Variants in LILRB4 observed in about 807,000 individuals in gnomAD.
The protein encoded by LILRB4 is leukocyte immunoglobulin like receptor B4.
A neutral mutation model predicts 55.2 loss-of-function variants in LILRB4; 49 were observed. That is an observed-to-expected ratio of 0.89 (90% CI 0.71 to 1.13). LILRB4 has a LOEUF of 1.13. Among genes scored for constraint, LILRB4 ranks in the 50% most tolerant of loss-of-function variants. The pLI is 0.00. For missense variants in LILRB4, 590 were observed against 555.2 expected (o/e 1.06, Z -0.63); for synonymous variants, 229 against 213.8 (o/e 1.07, Z -0.62).
At position 54,666,784 on chromosome 19, in the gene LILRB4, C is replaced by G. The variant is rs771914938; in HGVS notation, c.1041+35C>G. On this transcript the variant is annotated intron_variant, in intron 10 of 11. Coordinates refer to ENST00000430952, the Ensembl canonical transcript of LILRB4. This position sits in a 1 kb window ranked among gnomAD's most constrained non-coding sequence, Gnocchi z 4.8. ...CGCCCCTGTCCCCGGCACCAAAGGC[C>G]TCCTGGTGCCAGATCTAATCCTGCA... 6.3e-7 allele frequency: 1 copy of G among 1,592,510 alleles called. No individual in the cohort carries two copies. The highest frequency in any genetic ancestry group is 8.6e-7 in the Non-Finnish European group (1 of 1,160,596).
exon 3 of LILRB4, chr19:54,663,811 A>T: frequency 6.2e-7 from 1 of 1,614,064 alleles, no homozygotes; most frequent in Non-Finnish European, 8.5e-7. Flanking sequence ...AGCTGGGGGA[A>T]CTCTGTGACC....
In LILRB4 at chr19:54,665,783, T is replaced by A. The variant is rs1309376681; in HGVS notation, c.758-32T>A. 1 of 1,572,106 alleles carries A rather than the reference T, an allele frequency of 6.4e-7. No individual in the cohort carries two copies. The highest frequency in any genetic ancestry group is 1.2e-5 in the South Asian group (1 of 85,958). On this transcript the variant is annotated intron_variant, in intron 6 of 11. Coordinates refer to ENST00000430952, the Ensembl canonical transcript of LILRB4. The surrounding 1 kb of genome is among the most constrained non-coding windows in gnomAD (Gnocchi z 5.5). ...ACAGTAGGTGTGCACATCAATGACA[T>A]CATCCCCATTCCTGATGTCATCACG...
At chr19:54,667,392 CG>C (rs2065331794) in intron 10 of LILRB4, 12 of 771,586 alleles carry the variant, frequency 1.6e-5, no homozygotes, top group Non-Finnish European at 2.5e-5. Flanking sequence ...GCAAAGGCCC[CG>C]AGGCAGCAGC....
Position 54,665,242 on chromosome 19 carries a change from T to C in LILRB4, c.757+62T>C. 2.6e-6 allele frequency: 4 copies of C among 1,520,580 alleles called. No homozygotes were observed. The highest frequency in any genetic ancestry group is 2.6e-5 in the East Asian group (1 of 39,176). 94.2% of individuals were successfully genotyped at this position (1,520,580 alleles called of 1,614,324 possible). On this transcript the variant is annotated intron_variant, in intron 6 of 11. Transcript: ENST00000430952. The surrounding 1 kb of genome is among the most constrained non-coding windows in gnomAD (Gnocchi z 5.5). Reference sequence around the variant, plus strand: ...CTAGGGGAGCCAAGGGTGGGTTCTGTCCTAGGTTAAGGCTCCTCTGGAGGT... The same window carrying C: ...CTAGGGGAGCCAAGGGTGGGTTCTGCCCTAGGTTAAGGCTCCTCTGGAGGT...
chr19:54,666,533 G>T lies in LILRB4; in HGVS notation c.988+97G>T. ...AGGAGCACAGGCTAGGATTGGTCAG[G>T]GACTCAGGGAGAAGTGGTCTGAACC... On this transcript the variant is annotated intron_variant, in intron 9 of 11. Coordinates refer to ENST00000430952, the Ensembl canonical transcript of LILRB4. The surrounding 1 kb of genome is among the most constrained non-coding windows in gnomAD (Gnocchi z 4.8). 1 of 1,506,866 alleles carries T rather than the reference G, an allele frequency of 6.6e-7. No individual in the cohort carries two copies. Among genetic ancestry groups the T allele is most frequent in the Admixed American group, 1.8e-5 (1 of 56,940 alleles). 93.3% of individuals were successfully genotyped at this position (1,506,866 alleles called of 1,614,324 possible). A position where few individuals can be genotyped will look rare whatever the true frequency, so the allele number is the denominator to read the frequency against.
chr19:54,664,402 G>A (rs1434963238), exon 4 of LILRB4: 1 of 1,612,646 alleles, frequency 6.2e-7, no homozygotes. Context: ...GTGCACGGGG[G>A]GACCTACAGG....
At position 54,666,055 on chromosome 19, in the gene LILRB4, C is replaced by A; in HGVS notation, c.874+124C>A. The A allele has an allele frequency of 7.2e-7, 1 of 1,384,282 alleles. No individual in the cohort carries two copies. The highest frequency in any genetic ancestry group is 9.9e-7 in the Non-Finnish European group (1 of 1,006,366). The allele number at this position is 1,384,282 out of a possible 1,614,324, so 85.7% of individuals were successfully genotyped here. The stretch of plus-strand genomic sequence containing the variant: ...CTCCAGAAATTCCCAGTGAGAAAAT[C>A]TAGAAAGAAGAAAATGAATGAGGGA... On this transcript the variant is annotated intron_variant, in intron 7 of 11. Transcript: ENST00000430952. The surrounding 1 kb of genome is among the most constrained non-coding windows in gnomAD (Gnocchi z 4.8).
rs147413282 is a variant in LILRB4, at chr19:54,667,597, A to G, written c.1042-41A>G. On this transcript the variant is annotated intron_variant, in intron 10 of 11. Coordinates refer to ENST00000430952, the Ensembl canonical transcript of LILRB4. ...GGAAAATTGACTCCAGGGAGTCAGGAGGATTCAAGGACACCCCCCACCACT... is the reference window on the plus strand; with the variant it reads ...GGAAAATTGACTCCAGGGAGTCAGGGGGATTCAAGGACACCCCCCACCACT... 3.7e-3 allele frequency: 6,000 copies of G among 1,606,416 alleles called. 182 individuals carry two copies. The African/African-American group carries it at 0.061, about 16-fold the overall frequency.
rs748566687 is a variant in LILRB4, at chr19:54,664,081, A to G, written c.355+43A>G. The G allele has an allele frequency of 4.4e-6, 7 of 1,606,562 alleles. No individual in the cohort carries two copies. In the South Asian group the frequency reaches 6.7e-5, roughly 15 times the overall value. ...GGTCCCAGCCCCAGGCTCTGCCCTC[A>G]GGAAGGGGGTCAGCTCTCAGGGGCA... On this transcript the variant is annotated intron_variant, in intron 3 of 11. Coordinates refer to ENST00000430952, the Ensembl canonical transcript of LILRB4.
At chr19:54,668,571 G>A (rs1464827533), downstream of LILRB4, 1 of 152,376 alleles carries the variant, frequency 6.6e-6, no homozygotes, top group African/African-American at 2.4e-5. Context: ...AGAAAATGTA[G>A]ATGAGATAGA....
chr19:54,667,568 G>A (rs1333425425), intron 10 of LILRB4, 67 bp from the exon 11 acceptor site: 3 of 1,599,744 alleles, frequency 1.9e-6, no homozygotes, highest in African/African-American at 2.7e-5. Context: ...CCTGGGAACA[G>A]TGGGGAAAAT....
intron 10 of LILRB4, 72 bp from the exon 11 acceptor site, chr19:54,667,563 G>A: frequency 6.3e-7 from 1 of 1,596,216 alleles, no homozygotes; most frequent in Non-Finnish European, 8.5e-7. Flanking sequence ...ATCACCCTGG[G>A]AACAGTGGGG....
rs950173911 is a variant in LILRB4 at position 54,667,064 on chromosome 19, T to A, written c.1041+315T>A. ...CCCTGGGCTCCCCTTCATTCATTCATCTAGTGAGTGTTCCCAGGGAGCTCA... is the reference window on the plus strand; with the variant it reads ...CCCTGGGCTCCCCTTCATTCATTCAACTAGTGAGTGTTCCCAGGGAGCTCA... On this transcript the variant is annotated intron_variant, in intron 10 of 11. Transcript: ENST00000430952. 5.5e-4 allele frequency: 350 copies of A among 638,036 alleles called. 1 individual carries two copies. Among genetic ancestry groups the A allele is most frequent in the African/African-American group, 1.2e-3 (66 of 55,966 alleles). 39.5% of individuals were successfully genotyped at this position (638,036 alleles called of 1,614,324 possible). A position where few individuals can be genotyped will look rare whatever the true frequency, so the allele number is the denominator to read the frequency against.
chr19:54,667,568 G>C, intron 10 of LILRB4, 67 bp from the exon 11 acceptor site: 1 of 1,599,862 alleles, frequency 6.3e-7, no homozygotes, highest in Non-Finnish European at 8.5e-7. Flanking sequence ...CCTGGGAACA[G>C]TGGGGAAAAT....
chr19:54,666,279 C>T lies in LILRB4; in HGVS notation c.914C>T (p.Ala305Val), dbSNP rs1401107715. The T allele has an allele frequency of 6.2e-7, 1 of 1,609,332 alleles. No homozygotes were observed. Among genetic ancestry groups the T allele is most frequent in the Non-Finnish European group, 8.5e-7 (1 of 1,177,492 alleles). ...GATTTCCAACGTCCTCCAGGGGCTG[C>T]CGAGCCAGAGCCCAAGGACGGGGGC... Residue 305 changes from alanine to valine, a missense_variant, in exon 8 of 12, where the codon GCC becomes GTC. Transcript: ENST00000430952. The surrounding 1 kb of genome is among the most constrained non-coding windows in gnomAD (Gnocchi z 4.8).
chr19:54,663,349 G>A (rs1433654299), intron 1 of LILRB4, among the ~76,000 whole-genome samples, 183 bp from the exon 2 acceptor site: 2 of 151,148 alleles, frequency 1.3e-5, no homozygotes, highest in African/African-American at 4.9e-5. Context: ...GGGAGGCTGA[G>A]GCAGGAGAAT....
chr19:54,663,423 G>T lies in LILRB4; in HGVS notation c.35-109G>T, dbSNP rs11574569. 12 of 1,304,274 alleles carry T rather than the reference G, an allele frequency of 9.2e-6. No individual in the cohort carries two copies. In the Admixed American group the frequency reaches 2.9e-4, roughly 31 times the overall value. 80.8% of individuals were successfully genotyped at this position (1,304,274 alleles called of 1,614,324 possible). On this transcript the variant is annotated intron_variant, in intron 1 of 11. Coordinates refer to ENST00000430952, the Ensembl canonical transcript of LILRB4. ...ATCGCACCACCGCACTCCAGCCTGG[G>T]TGACAGCGAGACTCCGTCTCAAAAA...
At chr19:54,667,735 G>C (rs143761941) in exon 11 of LILRB4, 3 of 1,596,248 alleles carry the variant, frequency 1.9e-6, no homozygotes, top group African/African-American at 2.8e-5. Flanking sequence ...CCACTGTCTG[G>C]GGAATTCCTG....
chr19:54,666,939 C>T lies in LILRB4; in HGVS notation c.1041+190C>T. On this transcript the variant is annotated intron_variant, in intron 10 of 11. Transcript: ENST00000430952. This position sits in a 1 kb window ranked among gnomAD's most constrained non-coding sequence, Gnocchi z 4.8. The stretch of plus-strand genomic sequence containing the variant: ...GTCCTGGGACCTCATGGGCCTCCTC[C>T]CGGGTCCCCTTCCTGCTCCTCATCC... 1 of 744,840 alleles carries T rather than the reference C, an allele frequency of 1.3e-6. No individual in the cohort carries two copies. The highest frequency in any genetic ancestry group is 1.4e-5 in the South Asian group (1 of 70,064). The allele number at this position is 744,840 out of a possible 1,614,324, so 46.1% of individuals were successfully genotyped here.
Sources: gnomAD v4.1 joint callset for allele counts (sites outside exome capture counted in the v4.1 genomes callset) on GRCh38, gnomAD v4.1.1 for gene constraint, Gnocchi (gnomAD v3.1) non-coding constraint, MANE v1.5 for transcripts, NCBI Gene and HGNC (gene_info 2026-07-23, HGNC 2026-07-21) for gene names.